Variants in ANK2 observed in about 807,000 individuals in gnomAD.
ANK2 encodes ankyrin-2.
ANK2 carries 83 observed loss-of-function variants against 360.5 expected under a neutral mutation model. The observed-to-expected ratio is 0.23, with a 90% CI of 0.19 to 0.28. The LOEUF (loss-of-function observed/expected upper bound fraction) is 0.28. Among genes scored for constraint, ANK2 ranks in the 10% least tolerant of loss-of-function variants. ANK2 has a pLI of 1.00. For missense variants in ANK2, 4,201 were observed against 4,795.7 expected (o/e 0.88, Z 3.66); for synonymous variants, 1,740 against 1,759.5 (o/e 0.99, Z 0.28).
intron 1 of ANK2, among the ~76,000 whole-genome samples, chr4:113,061,939 G>A (rs2073641195): frequency 6.6e-6 from 1 of 152,032 alleles, no homozygotes. Flanking sequence ...TGCATTGCAT[G>A]CCTGTATCAA....
chr4:113,150,288 C>T (rs1338514486), intron 1 of ANK2, among the ~76,000 whole-genome samples: 1 of 152,148 alleles, frequency 6.6e-6, no homozygotes, highest in Non-Finnish European at 1.5e-5. Context: ...TCTAAAGAAG[C>T]AAACAAAAGA....
intron 2 of ANK2, among the ~76,000 whole-genome samples, chr4:112,922,717 G>A (rs1435791501): frequency 1.3e-5 from 2 of 152,192 alleles, no homozygotes; most frequent in Non-Finnish European, 2.9e-5. Context: ...GAAGCTTGAT[G>A]TAATAATCAG....
intron 2 of ANK2, among the ~76,000 whole-genome samples, chr4:112,988,936 A>G (rs7664364): frequency 0.28 from 42,141 of 151,984 alleles, 6,276 homozygotes; most frequent in East Asian, 0.44. Flanking sequence ...TCATGGGAGG[A>G]CACAGATTTT....
intron 1 of ANK2, among the ~76,000 whole-genome samples, chr4:113,135,856 G>T (rs1283726874): frequency 1.3e-5 from 2 of 152,036 alleles, no homozygotes; most frequent in Non-Finnish European, 2.9e-5. Flanking sequence ...AGAACTGACA[G>T]AATAGTAATG....
At chr4:113,051,135 A>G (rs781080539) in intron 1 of ANK2, among the ~76,000 whole-genome samples, 2 of 152,200 alleles carry the variant, frequency 1.3e-5, no homozygotes, top group Non-Finnish European at 2.9e-5. Flanking sequence ...GGGCATTTTT[A>G]TAGAGTGTTA....
At chr4:113,131,753 C>G (rs1282032639) in intron 1 of ANK2, among the ~76,000 whole-genome samples, 1 of 152,196 alleles carries the variant, frequency 6.6e-6, no homozygotes, top group African/African-American at 2.4e-5. Context: ...TTAAAGCCCC[C>G]TAACATTCCT....
At chr4:112,983,090 T>C (rs1333179046) in intron 2 of ANK2, among the ~76,000 whole-genome samples, 1 of 152,220 alleles carries the variant, frequency 6.6e-6, no homozygotes, top group Non-Finnish European at 1.5e-5. Flanking sequence ...CTCTTAGCAG[T>C]ATTTTTAGCC....
chr4:113,098,214 C>T (rs2092016952), intron 1 of ANK2, among the ~76,000 whole-genome samples: 1 of 151,570 alleles, frequency 6.6e-6, no homozygotes, highest in South Asian at 2.1e-4. Flanking sequence ...ATAAGAATTA[C>T]AGCAGATACA....
Position 113,354,876 on chromosome 4 carries a change from A to C in ANK2, c.6258A>C (p.Lys2086Asn). The change falls in exon 38 of 46, where the codon AAA becomes AAC. Residue 2086 changes from lysine to asparagine, a missense_variant. Coordinates refer to ENST00000357077, the MANE Select transcript of ANK2 (RefSeq NM_001148.6). ...AAGATGCAGCTGGAGGAAAGGAGAA[A>C]GTTCTCAGCCACAAAATACCTGAAC... ...KKEDAAGGKE[K>N]VLSHKIPEPV... 1.9e-6 allele frequency: 3 copies of C among 1,614,098 alleles called. No homozygotes were observed. The highest frequency in any genetic ancestry group is 1.7e-6 in the Non-Finnish European group (2 of 1,179,982).
chr4:112,900,672 C>T (rs1026007050), intron 1 of ANK2, among the ~76,000 whole-genome samples: 1 of 152,162 alleles, frequency 6.6e-6, no homozygotes, highest in African/African-American at 2.4e-5. Context: ...TCCTTCAAGT[C>T]TCCCTCTTTC....
At chr4:113,052,504 T>C (rs1159793916) in intron 1 of ANK2, among the ~76,000 whole-genome samples, 2 of 152,180 alleles carry the variant, frequency 1.3e-5, no homozygotes, top group African/African-American at 4.8e-5. Context: ...CTTCCAAAAG[T>C]ACCTCTTCTG....
At chr4:113,174,618 A>T in intron 2 of ANK2, 101 bp downstream of exon 2, 1 of 970,456 alleles carries the variant, frequency 1.0e-6, no homozygotes, top group South Asian at 1.4e-5. Context: ...ATACTAAAAT[A>T]TCAGTGACTC....
At chr4:113,064,621 A>G (rs2074919693) in intron 1 of ANK2, among the ~76,000 whole-genome samples, 1 of 152,204 alleles carries the variant, frequency 6.6e-6, no homozygotes, top group African/African-American at 2.4e-5. Flanking sequence ...TTACGTCAAG[A>G]AAGTCCAAAC....
upstream of ANK2, among the ~76,000 whole-genome samples, chr4:112,814,668 G>A (rs186655665): frequency 1.5e-4 from 23 of 152,196 alleles, no homozygotes; most frequent in Admixed American, 1.0e-3. Flanking sequence ...GGCTGAGAGA[G>A]TTTTAAGTAA....
chr4:112,946,689 A>G (rs1350925537), intron 2 of ANK2, among the ~76,000 whole-genome samples: 1 of 152,236 alleles, frequency 6.6e-6, no homozygotes, highest in African/African-American at 2.4e-5. Context: ...GCTTAAAATT[A>G]ACTACTAAAC....
At chr4:113,302,325 T>A (rs2075403499) in intron 22 of ANK2, among the ~76,000 whole-genome samples, 1 of 152,248 alleles carries the variant, frequency 6.6e-6, no homozygotes, top group South Asian at 2.1e-4. Flanking sequence ...CCAAATAGTT[T>A]ATATCTTTCA....
At chr4:112,724,222 G>A in the ANK2 span, among the ~76,000 whole-genome samples, 1 of 151,962 alleles carries the variant, frequency 6.6e-6, no homozygotes, top group African/African-American at 2.4e-5. Flanking sequence ...ATGCCACCAT[G>A]CCTGGTTAAT....
At chr4:113,109,906 A>G (rs892985161) in intron 1 of ANK2, among the ~76,000 whole-genome samples, 4 of 152,200 alleles carry the variant, frequency 2.6e-5, no homozygotes, top group African/African-American at 9.6e-5. Flanking sequence ...TCACACAAAA[A>G]AGCTCAAACA....
the ANK2 span, among the ~76,000 whole-genome samples, chr4:112,745,462 A>T: frequency 2.7e-5 from 4 of 150,532 alleles, no homozygotes; most frequent in Admixed American, 2.6e-4. Flanking sequence ...ATGCTCTTTT[A>T]GTTATTTTTA....
Sources: gnomAD v4.1 joint callset for allele counts (sites outside exome capture counted in the v4.1 genomes callset) on GRCh38, gnomAD v4.1.1 for gene constraint, MANE v1.5 for transcripts, NCBI Gene and HGNC (gene_info 2026-07-23, HGNC 2026-07-21) for gene names.